Variants in RABEP2 observed in about 807,000 individuals in gnomAD.
RABEP2 encodes the protein rabaptin, RAB GTPase binding effector protein 2.
Under a neutral mutation model 74.1 loss-of-function variants are expected in RABEP2, and 57 were observed. The observed-to-expected ratio is 0.77, with a 90% CI of 0.62 to 0.96. The LOEUF is 0.96. RABEP2 is among the 40% of genes least tolerant of loss of function. RABEP2 has a pLI of 0.00. For missense variants in RABEP2, 692 were observed against 756.3 expected (o/e 0.91, Z 1.00); for synonymous variants, 351 against 344.0 (o/e 1.02, Z -0.23).
chr16:28,913,016 G>A (rs1964335149), intron 5 of RABEP2, among the ~76,000 whole-genome samples: 1 of 151,874 alleles, frequency 6.6e-6, no homozygotes, highest in Non-Finnish European at 1.5e-5. Context: ...GGGCTGGAGT[G>A]CAATGGCGCG....
At chr16:28,921,870 C>A (rs58396728) in intron 2 of RABEP2, among the ~76,000 whole-genome samples, 1 of 151,936 alleles carries the variant, frequency 6.6e-6, no homozygotes, top group South Asian at 2.1e-4. Context: ...GAGGCTGAGG[C>A]AGGAGAATTG....
In RABEP2 at chr16:28,905,873, G is replaced by C. The variant is rs1487833542; in HGVS notation, c.1429C>G (p.Leu477Val). The C allele has an allele frequency of 1.9e-6, 3 of 1,613,852 alleles. No homozygotes were observed. Among genetic ancestry groups the C allele is most frequent in the African/African-American group, 1.3e-5 (1 of 75,074 alleles). Residue 477 changes from leucine to valine, a missense_variant, in exon 10 of 13, where the codon CTG becomes GTG. Transcript: ENST00000358201. Reference protein sequence around the residue: ...LRVQREETEVLEASLCSLRTE... With the variant: ...LRVQREETEVVEASLCSLRTE... ...ACCTCCAGCACACACTCACCCTCCA[G>C]CACCTCTGTGGGAAGGAAAGAAAGA...
At chr16:28,923,783 A>G (rs527731604) in intron 2 of RABEP2, among the ~76,000 whole-genome samples, 1 of 152,338 alleles carries the variant, frequency 6.6e-6, no homozygotes, top group South Asian at 2.1e-4. Flanking sequence ...ACAAAAGTCC[A>G]GGAGAGAGTT....
chr16:28,912,068 A>T (rs1964321169), intron 5 of RABEP2, among the ~76,000 whole-genome samples: 1 of 151,900 alleles, frequency 6.6e-6, no homozygotes, highest in Non-Finnish European at 1.5e-5. Flanking sequence ...AACATGGTGA[A>T]ACCCCGTCTC....
In RABEP2 at chr16:28,904,874, C is replaced by G. The variant is rs1032308795; in HGVS notation, c.*69G>C. The G allele has an allele frequency of 2.5e-6, 3 of 1,199,440 alleles. No individual in the cohort carries two copies. In the Admixed American group the frequency reaches 5.7e-5, roughly 23 times the overall value. 74.3% of individuals were successfully genotyped at this position (1,199,440 alleles called of 1,614,324 possible). Reference sequence around the variant, plus strand: ...GGAAAAGCCATCCAAGACCCCAGAGCGAGGCCTCATGGTTCAGGAGTGGGG... The same window carrying G: ...GGAAAAGCCATCCAAGACCCCAGAGGGAGGCCTCATGGTTCAGGAGTGGGG... On this transcript the variant is annotated 3_prime_UTR_variant, in exon 13 of 13. Coordinates refer to ENST00000358201, the MANE Select transcript of RABEP2 (RefSeq NM_024816.3).
At chr16:28,922,895 A>C (rs1964485040) in intron 2 of RABEP2, among the ~76,000 whole-genome samples, 1 of 149,472 alleles carries the variant, frequency 6.7e-6, no homozygotes, top group East Asian at 1.9e-4. Context: ...CTGTCTCAGA[A>C]AAAAAAAAAA....
In RABEP2 at chr16:28,913,023, C is replaced by T. The variant is rs117217055; in HGVS notation, c.894+1213G>A. Among the ~76,000 whole-genome samples the T allele has an allele frequency of 3.8e-3, 572 of 151,954 alleles. 4 individuals carry two copies. Among genetic ancestry groups the T allele is most frequent in the Middle Eastern group, 0.01 (3 of 294 alleles). The stretch of plus-strand genomic sequence containing the variant: ...TCTTGCCCGGGCTGGAGTGCAATGG[C>T]GCGATCTCGGCTTACCACAACTTCT... On this transcript the variant is annotated intron_variant, in intron 5 of 12. Coordinates refer to ENST00000358201, the MANE Select transcript of RABEP2 (RefSeq NM_024816.3).
chr16:28,924,569 C>T lies in RABEP2; in HGVS notation c.108G>A (p.Glu36=). ...RSQEGANGEA[E]SGELSRLRAE... ...CCCGAAGCCGGCTGAGCTCACCTGA[C>T]TCGGCCTCACCATTTGCCCCTTCCT... Residue 36 remains glutamate, a synonymous_variant, in exon 2 of 13, where the codon GAG becomes GAA. Coordinates refer to ENST00000358201, the MANE Select transcript of RABEP2 (RefSeq NM_024816.3). 6.2e-7 allele frequency: 1 copy of T among 1,613,522 alleles called. No homozygotes were observed. The highest frequency in any genetic ancestry group is 8.5e-7 in the Non-Finnish European group (1 of 1,180,016).
chr16:28,907,277 C>T (rs371928754), intron 8 of RABEP2, among the ~76,000 whole-genome samples: 20 of 150,464 alleles, frequency 1.3e-4, no homozygotes, highest in East Asian at 8.0e-4. Context: ...CCACCTCAGA[C>T]ACTTGAGTTG....
chr16:28,922,889 C>T (rs116417087), intron 2 of RABEP2, among the ~76,000 whole-genome samples: 1 of 148,518 alleles, frequency 6.7e-6, no homozygotes, highest in African/African-American at 2.6e-5. Context: ...GAGACACTGT[C>T]TCAGAAAAAA....
chr16:28,916,597 G>A (rs937368660), intron 3 of RABEP2, among the ~76,000 whole-genome samples: 3 of 150,882 alleles, frequency 2.0e-5, no homozygotes, highest in Non-Finnish European at 2.9e-5. Context: ...ACTTGAACCC[G>A]GGAGGTGGAG....
rs753329570 is a variant in RABEP2, at chr16:28,914,717, C to T, written c.498G>A (p.Leu166=). The T allele has an allele frequency of 6.2e-7, 1 of 1,614,196 alleles. No homozygotes were observed. ...VLPMEKEIEE[L]KAKLLRAEEL... ...CCTCGGCCCTCAGCAGCTTCGCCTTCAGCTCCTCGATCTCCTTTTCCATGG... is the reference window on the plus strand; with the variant it reads ...CCTCGGCCCTCAGCAGCTTCGCCTTTAGCTCCTCGATCTCCTTTTCCATGG... Residue 166 remains leucine (L), a synonymous_variant, in exon 4 of 13, where the codon CTG becomes CTA. Coordinates refer to ENST00000358201, the MANE Select transcript of RABEP2 (RefSeq NM_024816.3).
Position 28,908,742 on chromosome 16 carries a change from T to G in RABEP2, c.1112A>C (p.Lys371Thr). ...CCGCTTTACCTCATGGTGCAGGCAC[T>G]TGTGGGTGGTGACCAGCTCCGCCTA... is the stretch of plus-strand genomic sequence containing the variant. ...LQMAELVTTH[K>T]CLHHEVKRLN... is the part of the protein sequence containing the mutation. Residue 371 changes from lysine (K) to threonine (T), a missense_variant, in exon 8 of 13, where the codon AAG becomes ACG. Lys to Thr is a moderately conservative substitution (Grantham distance 78, BLOSUM62 -1). Transcript: ENST00000358201. The G allele has an allele frequency of 6.8e-6, 11 of 1,614,170 alleles. No individual in the cohort carries two copies. Among genetic ancestry groups the G allele is most frequent in the Non-Finnish European group, 9.3e-6 (11 of 1,180,016 alleles).
chr16:28,905,251 T>G (rs1336326849), intron 12 of RABEP2, 146 bp downstream of exon 12: 1 of 700,968 alleles, frequency 1.4e-6, no homozygotes, highest in Admixed American at 2.6e-5. Flanking sequence ...AGTTTCAGGG[T>G]TTTTTGAGTA....
chr16:28,921,825 C>A (rs1208844796), intron 2 of RABEP2, among the ~76,000 whole-genome samples: 4 of 151,732 alleles, frequency 2.6e-5, no homozygotes, highest in Non-Finnish European at 1.5e-5. Context: ...TTTAACCAGG[C>A]ATGGTGGTGG....
chr16:28,909,233 C>T (rs1420508852), intron 7 of RABEP2, among the ~76,000 whole-genome samples: 1 of 152,012 alleles, frequency 6.6e-6, no homozygotes, highest in East Asian at 1.9e-4. Flanking sequence ...CCCACCATCA[C>T]GCCTGGCTAA....
intron 2 of RABEP2, chr16:28,921,317 G>A: frequency 4.5e-6 from 2 of 449,172 alleles, no homozygotes; most frequent in South Asian, 3.1e-5. Flanking sequence ...ATGGGAAGAG[G>A]TACAGGAGAG....
At chr16:28,911,213 C>T (rs1244264699) in intron 5 of RABEP2, 34 bp from the exon 6 acceptor site, 1 of 1,593,646 alleles carries the variant, frequency 6.3e-7, no homozygotes, top group Admixed American at 1.7e-5. Context: ...CTGCATCTCC[C>T]AGGAACTTGG....
chr16:28,908,036 G>A (rs981719336), intron 8 of RABEP2, among the ~76,000 whole-genome samples: 2 of 151,970 alleles, frequency 1.3e-5, no homozygotes, highest in African/African-American at 4.8e-5. Flanking sequence ...CTGACCTCAG[G>A]TGATCCACCC....
Sources: gnomAD v4.1 joint callset for allele counts (sites outside exome capture counted in the v4.1 genomes callset) on GRCh38, gnomAD v4.1.1 for gene constraint, MANE v1.5 for transcripts, NCBI Gene and HGNC (gene_info 2026-07-23, HGNC 2026-07-21) for gene names.